PMF1: variants seen among roughly 807,000 people sequenced by gnomAD.
The protein encoded by PMF1 is polyamine-modulated factor 1.
In PMF1, 21 loss-of-function variants were observed where a neutral mutation model predicts 26.7. The ratio of observed to expected loss-of-function variants is 0.79; its 90% CI spans 0.56 to 1.13. The LOEUF (loss-of-function observed/expected upper bound fraction) is 1.13, where lower values mean the gene tolerates loss of function less well. PMF1 is among the 50% of genes most tolerant of loss of function. The pLI, the probability that PMF1 is intolerant of heterozygous loss-of-function variation, is 0.00. For synonymous variants in PMF1, 105 were observed against 101.0 expected, an observed-to-expected ratio of 1.04 and a Z score of -0.24; for missense variants, 266 against 254.9, an observed-to-expected ratio of 1.04 and a Z score of -0.30.
intron 3 of PMF1, among the ~76,000 whole-genome samples, chr1:156,235,353 A>G (rs2103127767): frequency 6.6e-6 from 1 of 151,192 alleles, no homozygotes; most frequent in African/African-American, 2.4e-5. Context: ...CAAACACCGG[A>G]CCTCAGGTGA....
rs1487327435 is a variant in PMF1 at position 156,236,290 on chromosome 1, G to A, written c.371G>A (p.Arg124His). The A allele has an allele frequency of 6.2e-6, 10 of 1,602,596 alleles. No homozygotes were observed. The highest frequency in any genetic ancestry group is 2.2e-5 in the South Asian group (2 of 90,864). Residue 124 changes from arginine to histidine, a missense_variant and splice_region_variant, in exon 4 of 5, where the codon CGC becomes CAC. Arg to His is a conservative substitution (Grantham distance 29). Transcript: ENST00000368277. ...TTGTGCCCCGTGTGGCCCTCCAGGC[G>A]CCCCAGCGGGATCCCAGAGAAGGAT... Reference protein sequence around the residue: ...EGKVRKEPAWRPSGIPEKDLH... With the variant: ...EGKVRKEPAWHPSGIPEKDLH...
At chr1:156,228,083 C>T (rs1183429589) in intron 1 of PMF1, among the ~76,000 whole-genome samples, 1 of 151,488 alleles carries the variant, frequency 6.6e-6, no homozygotes. Flanking sequence ...TACAGACATG[C>T]GCTACCACAC....
chr1:156,214,946 C>T lies in PMF1; in HGVS notation c.161+1770C>T, dbSNP rs545729031. Among the ~76,000 whole-genome samples the T allele has an allele frequency of 9.9e-5, 15 of 151,056 alleles. No homozygotes were observed. In the South Asian group the frequency reaches 2.3e-3, roughly 23 times the overall value. ...AGGCTGGAGTGCAGTGGCTCGATCT[C>T]GGCTCACTGTAGTCTCCACCTGCCG... On this transcript the variant is annotated intron_variant, in intron 1 of 4. Coordinates refer to ENST00000368277, the MANE Select transcript of PMF1 (RefSeq NM_007221.4).
At chr1:156,216,619 C>T (rs1319095335) in intron 1 of PMF1, among the ~76,000 whole-genome samples, 3 of 151,756 alleles carry the variant, frequency 2.0e-5, no homozygotes, top group East Asian at 1.9e-4. Flanking sequence ...GGTGCCGGCC[C>T]GGGTCCGGGT....
At chr1:156,229,266 T>C (rs984127942) in intron 1 of PMF1, among the ~76,000 whole-genome samples, 1 of 151,990 alleles carries the variant, frequency 6.6e-6, no homozygotes, top group African/African-American at 2.4e-5. Flanking sequence ...ACATGGAATG[T>C]GTATCACTGA....
At chr1:156,225,560 T>C in intron 1 of PMF1, 1 of 1,542,872 alleles carries the variant, frequency 6.5e-7, no homozygotes, top group East Asian at 2.4e-5. Context: ...TTCTCAGCTC[T>C]CCACTCCTTC....
intron 4 of PMF1, among the ~76,000 whole-genome samples, chr1:156,238,550 C>T (rs949271927): frequency 2.0e-5 from 3 of 152,198 alleles, no homozygotes; most frequent in Non-Finnish European, 2.9e-5. Context: ...GCATCTCTGT[C>T]GAACTCTCTC....
At chr1:156,233,320 A>AT (rs572347708) in intron 2 of PMF1, among the ~76,000 whole-genome samples, 47,601 of 138,380 alleles carry the variant, frequency 0.34, 7,982 homozygotes, top group Non-Finnish European at 0.36. Flanking sequence ...CATCCAGCTA[A>AT]TTTTTTTTTT....
At chr1:156,228,256 A>AGTTTT (rs1658488364) in intron 1 of PMF1, among the ~76,000 whole-genome samples, 3 of 33,564 alleles carry the variant, frequency 8.9e-5, no homozygotes, top group Admixed American at 4.5e-4. Context: ...GCACCTGGCG[A>AGTTTT]TTTTTTTTTT....
At chr1:156,234,470 A>G (rs897829442) in intron 3 of PMF1, among the ~76,000 whole-genome samples, 6 of 151,408 alleles carry the variant, frequency 4.0e-5, no homozygotes, top group African/African-American at 7.3e-5. Context: ...TGTTCATTCA[A>G]CAGGTTAGGG....
chr1:156,233,857 C>T, intron 3 of PMF1, 129 bp downstream of exon 3: 1 of 836,630 alleles, frequency 1.2e-6, no homozygotes, highest in Non-Finnish European at 1.8e-6. Context: ...CTTAAGCTGT[C>T]CTCCCACCTT....
At position 156,213,056 on chromosome 1, in the gene PMF1, AG is replaced by A. The variant is rs1657460296; in HGVS notation, c.43del (p.Glu15LysfsTer21). 3.7e-6 allele frequency: 6 copies of A among 1,614,224 alleles called. No homozygotes were observed. The highest frequency in any genetic ancestry group is 4.2e-6 in the Non-Finnish European group (5 of 1,180,022). On this transcript the variant is annotated frameshift_variant, in exon 1 of 5. Coordinates refer to ENST00000368277, the MANE Select transcript of PMF1 (RefSeq NM_007221.4). LOFTEE classifies it high-confidence loss of function. ...ASSANLGSGC[E>X]EKRHEGSSSE... is the part of the protein sequence containing the mutation. ...AGCGCCAATCTAGGCAGCGGCTGTGAGGAAAAAAGGCATGAGGGGTCGTCTT... is the reference window on the plus strand; with the variant it reads ...AGCGCCAATCTAGGCAGCGGCTGTGAGAAAAAAGGCATGAGGGGTCGTCTT...
chr1:156,213,033 C>G lies in PMF1; in HGVS notation c.18C>G (p.Ser6Arg). ...ACTTCAACATGGCCGAAGCAAGTAG[C>G]GCCAATCTAGGCAGCGGCTGTGAGG... MAEAS[S>R]ANLGSGCEEK... The change falls in exon 1 of 5, where the codon AGC becomes AGG. Residue 6 changes from serine (S) to arginine (R), a missense_variant. By Grantham distance (110) the Ser-to-Arg change is moderately radical (BLOSUM62 -1). Coordinates refer to ENST00000368277, the MANE Select transcript of PMF1 (RefSeq NM_007221.4). 6.2e-7 allele frequency: 1 copy of G among 1,614,206 alleles called. No homozygotes were observed. Among genetic ancestry groups the G allele is most frequent in the Non-Finnish European group, 8.5e-7 (1 of 1,180,010 alleles).
chr1:156,216,642 C>G (rs1397388075), intron 1 of PMF1, among the ~76,000 whole-genome samples: 1 of 151,782 alleles, frequency 6.6e-6, no homozygotes, highest in Non-Finnish European at 1.5e-5. Context: ...CTGACCCACC[C>G]GGGGGCGGCG....
intron 3 of PMF1, 104 bp downstream of exon 3, chr1:156,233,832 TCACA>T: frequency 2.2e-5 from 25 of 1,129,908 alleles, no homozygotes; most frequent in South Asian, 2.2e-4. Context: ...GCCAGGCTGG[TCACA>T]AACTCCTGGC....
At chr1:156,228,255 G>GGTTTTT in intron 1 of PMF1, among the ~76,000 whole-genome samples, 2 of 51,242 alleles carry the variant, frequency 3.9e-5, no homozygotes, top group African/African-American at 7.8e-5. Context: ...CGCACCTGGC[G>GGTTTTT]ATTTTTTTTT....
At position 156,239,556 on chromosome 1, in the gene PMF1, CAG is replaced by C. The variant is rs755675418; in HGVS notation, c.577_578del (p.Glu193ThrfsTer12). 11 of 1,613,158 alleles carry C rather than the reference CAG, an allele frequency of 6.8e-6. No individual in the cohort carries two copies. The East Asian group carries it at 2.5e-4, about 36-fold the overall frequency. ...TCTCCCATTGATTTCAGGCTCTACA[CAG>C]AGAACAGAGGGAGCTGGTTGCTGTG... is the stretch of plus-strand genomic sequence containing the variant. ...AQQQAWQALH[R>X]EQRELVAVLR... On this transcript the variant is annotated frameshift_variant, in exon 5 of 5. Coordinates refer to ENST00000368277, the MANE Select transcript of PMF1 (RefSeq NM_007221.4). LOFTEE classifies it high-confidence loss of function.
chr1:156,239,490 G>A (rs991729117), intron 4 of PMF1, 58 bp from the exon 5 acceptor site: 15 of 1,408,918 alleles, frequency 1.1e-5, no homozygotes, highest in Middle Eastern at 3.9e-4. Flanking sequence ...GACAGTGGAG[G>A]GCAAGGATTT....
chr1:156,216,241 A>G (rs952840251), intron 1 of PMF1, among the ~76,000 whole-genome samples: 9 of 151,984 alleles, frequency 5.9e-5, no homozygotes, highest in Non-Finnish European at 8.8e-5. Context: ...AAATATAAAA[A>G]TTAGCCGGGC....
Sources: gnomAD v4.1 joint callset for allele counts (sites outside exome capture counted in the v4.1 genomes callset) on GRCh38, gnomAD v4.1.1 for gene constraint, MANE v1.5 for transcripts, NCBI Gene and HGNC (gene_info 2026-07-23, HGNC 2026-07-21) for gene names.